DMBX1: variants seen among roughly 807,000 people sequenced by gnomAD.
DMBX1 encodes the protein diencephalon/mesencephalon homeobox protein 1.
DMBX1 carries 7 observed loss-of-function variants against 30.4 expected under a neutral mutation model. The ratio of observed to expected loss-of-function variants is 0.23; its 90% CI spans 0.13 to 0.43. The LOEUF (loss-of-function observed/expected upper bound fraction) is 0.43, where lower values mean the gene tolerates loss of function less well. Among genes scored for constraint, DMBX1 ranks in the 20% least tolerant of loss-of-function variants. DMBX1 has a pLI of 1.00. For synonymous variants in DMBX1, 222 were observed against 214.2 expected (o/e 1.04, Z -0.32); for missense variants, 460 against 508.5 (o/e 0.90, Z 0.92).
Position 46,493,963 on chromosome 1 carries a change from A to G in DMBX1, c.-13+3180A>G, listed in dbSNP as rs1665981067. The stretch of plus-strand genomic sequence containing the variant: ...CCAAAAGTGGACCAGGTCATCCCTG[A>G]CAGACTTTGGGCCAAGGCTAACTGA... On this transcript the variant is annotated intron_variant, in intron 2 of 5. Coordinates refer to ENST00000360032, the MANE Select transcript of DMBX1 (RefSeq NM_172225.2). The surrounding 1 kb of genome is among the most constrained non-coding windows in gnomAD (Gnocchi z 4.1). 6.6e-6 allele frequency among the ~76,000 whole-genome samples: 1 copy of G among 152,206 alleles called. No homozygotes were observed. Among genetic ancestry groups the G allele is most frequent in the African/African-American group, 2.4e-5 (1 of 41,462 alleles).
chr1:46,515,082 T>C lies in DMBX1; in HGVS notation c.*2588T>C, dbSNP rs2148494258. 6.6e-6 allele frequency among the ~76,000 whole-genome samples: 1 copy of C among 151,384 alleles called. No individual in the cohort carries two copies. The highest frequency in any genetic ancestry group is 3.4e-3 in the Middle Eastern group (1 of 294). On this transcript the variant is annotated 3_prime_UTR_variant, in exon 6 of 6. Coordinates refer to ENST00000360032, the MANE Select transcript of DMBX1 (RefSeq NM_172225.2). Reference sequence around the variant, plus strand: ...CAAATCCTCAGGTCTCTTGCTGGGGTCTGGAATTTGGAAGGGGAATCCACC... The same window carrying C: ...CAAATCCTCAGGTCTCTTGCTGGGGCCTGGAATTTGGAAGGGGAATCCACC...
chr1:46,490,607 G>A (rs1372308386), intron 1 of DMBX1, among the ~76,000 whole-genome samples, 37 bp from the exon 2 acceptor site: 2 of 152,230 alleles, frequency 1.3e-5, no homozygotes, highest in African/African-American at 2.4e-5. Context: ...AGTGCTCCGG[G>A]CATTGCCCGG....
chr1:46,495,296 T>G (rs1391810574), intron 2 of DMBX1, among the ~76,000 whole-genome samples: 1 of 152,220 alleles, frequency 6.6e-6, no homozygotes, highest in Admixed American at 6.5e-5. Flanking sequence ...TCCCTTGCTC[T>G]GGGCACTGGG....
intron 2 of DMBX1, among the ~76,000 whole-genome samples, chr1:46,494,601 A>G (rs1176068651): frequency 2.0e-5 from 3 of 152,146 alleles, no homozygotes; most frequent in Non-Finnish European, 1.5e-5. Flanking sequence ...GAACTCTCCC[A>G]GTGGGTTCTT....
rs1253950951 is a variant in DMBX1 at position 46,507,006 on chromosome 1, C to T, written c.-5C>T. The T allele has an allele frequency of 6.2e-7, 1 of 1,613,960 alleles. No individual in the cohort carries two copies. Among genetic ancestry groups the T allele is most frequent in the Non-Finnish European group, 8.5e-7 (1 of 1,179,902 alleles). On this transcript the variant is annotated 5_prime_UTR_variant, in exon 3 of 6. Coordinates refer to ENST00000360032, the MANE Select transcript of DMBX1 (RefSeq NM_172225.2). ...TCCCTTTTCCGTCTGTAGGCGGATGCCGCCATGCAGCACTACGGGGTGAAC... is the reference window on the plus strand; with the variant it reads ...TCCCTTTTCCGTCTGTAGGCGGATGTCGCCATGCAGCACTACGGGGTGAAC...
In DMBX1 at chr1:46,514,656, T is replaced by C. The variant is rs1170553875; in HGVS notation, c.*2162T>C. Among the ~76,000 whole-genome samples the C allele has an allele frequency of 1.3e-5, 2 of 152,112 alleles. No homozygotes were observed. Among genetic ancestry groups the C allele is most frequent in the African/African-American group, 4.8e-5 (2 of 41,426 alleles). On this transcript the variant is annotated 3_prime_UTR_variant, in exon 6 of 6. Transcript: ENST00000360032. ...GATTCTTGGTCATGCTCCCCAACTC[T>C]TGGTGGCTCACCACTGAACACTCCA... is the stretch of plus-strand genomic sequence containing the variant.
intron 2 of DMBX1, among the ~76,000 whole-genome samples, chr1:46,502,866 C>T (rs960169830): frequency 4.6e-5 from 7 of 152,078 alleles, no homozygotes; most frequent in Admixed American, 2.6e-4. Context: ...GGAGACACAG[C>T]GAGACCCTGT....
In DMBX1 at chr1:46,510,732, A is replaced by C; in HGVS notation, c.333+78A>C. The C allele has an allele frequency of 6.6e-7, 1 of 1,518,508 alleles. No individual in the cohort carries two copies. The highest frequency in any genetic ancestry group is 8.9e-7 in the Non-Finnish European group (1 of 1,128,022). 94.1% of individuals were successfully genotyped at this position (1,518,508 alleles called of 1,614,324 possible). A position where few individuals can be genotyped will look rare whatever the true frequency, so the allele number is the denominator to read the frequency against. ...TCTGCCCGCTTGTCCAGGAGCCAGC[A>C]TGTCATCCCTGTGCCAAGGTGCAAC... On this transcript the variant is annotated intron_variant, in intron 4 of 5. Coordinates refer to ENST00000360032, the MANE Select transcript of DMBX1 (RefSeq NM_172225.2). The surrounding 1 kb of genome is among the most constrained non-coding windows in gnomAD (Gnocchi z 4.1).
In DMBX1 at chr1:46,512,246, G is replaced by A; in HGVS notation, c.886G>A (p.Ala296Thr). The change falls in exon 6 of 6, where the codon GCT (alanine) becomes ACT (threonine). Residue 296 changes from alanine to threonine, a missense_variant. Around this residue, in one of 3 missense-constraint regions of DMBX1, gnomAD observed 334 missense variants for 345.1 expected, o/e 0.97. Coordinates refer to ENST00000360032, the MANE Select transcript of DMBX1 (RefSeq NM_172225.2). This position sits in a 1 kb window ranked among gnomAD's most constrained non-coding sequence, Gnocchi z 4.8. ...PAPAAAAAAA[A>T]VPYLGVNMAP... ...CCCTGCTGCTGCAGCGGCGGCTGCT[G>A]CTGTGCCCTACCTGGGCGTCAACAT... is the stretch of plus-strand genomic sequence containing the variant. 1 of 1,613,722 alleles carries A rather than the reference G, an allele frequency of 6.2e-7. No homozygotes were observed. The highest frequency in any genetic ancestry group is 1.3e-5 in the African/African-American group (1 of 75,028).
chr1:46,499,571 A>G (rs1407873670), intron 2 of DMBX1, among the ~76,000 whole-genome samples: 1 of 152,168 alleles, frequency 6.6e-6, no homozygotes, highest in African/African-American at 2.4e-5. Context: ...TGGGGATAAC[A>G]TTTTCTACCT....
chr1:46,510,415 G>A lies in DMBX1; in HGVS notation c.155-61G>A, dbSNP rs781289883. On this transcript the variant is annotated intron_variant, in intron 3 of 5. Coordinates refer to ENST00000360032, the MANE Select transcript of DMBX1 (RefSeq NM_172225.2). The surrounding 1 kb of genome is among the most constrained non-coding windows in gnomAD (Gnocchi z 4.1). ...GGGTCAGAGCAGGATAAGATTCAAA[G>A]CTATTTCCCATAATTAAATGGGCCC... 6.4e-7 allele frequency: 1 copy of A among 1,569,754 alleles called. No homozygotes were observed. Among genetic ancestry groups the A allele is most frequent in the South Asian group, 1.2e-5 (1 of 85,024 alleles).
chr1:46,511,956 C>T, intron 5 of DMBX1, 87 bp from the exon 6 acceptor site: 2 of 1,336,604 alleles, frequency 1.5e-6, no homozygotes, highest in Non-Finnish European at 2.1e-6. Context: ...TCTATAGTGC[C>T]AAGGAGGTGA....
In DMBX1 at chr1:46,510,679, G is replaced by A. The variant is rs755220024; in HGVS notation, c.333+25G>A. ...GGTAGGGCCCAACTCTCCTAACTAG[G>A]CCTTGCAGACAAACACCAGCCCATC... On this transcript the variant is annotated intron_variant, in intron 4 of 5. Transcript: ENST00000360032. This position sits in a 1 kb window ranked among gnomAD's most constrained non-coding sequence, Gnocchi z 4.1. 10 of 1,604,746 alleles carry A rather than the reference G, an allele frequency of 6.2e-6. No individual in the cohort carries two copies. In the South Asian group the frequency reaches 1.1e-4, roughly 18 times the overall value.
Position 46,516,001 on chromosome 1 carries a change from G to C in DMBX1, c.*3507G>C, listed in dbSNP as rs561418467. On this transcript the variant is annotated 3_prime_UTR_variant, in exon 6 of 6. Transcript: ENST00000360032. ...TTGTGACCATTTGTGCTTAGAGGTC[G>C]TGCCAGCCCATGGCAAAGACACTGT... Among the ~76,000 whole-genome samples the C allele has an allele frequency of 6.6e-6, 1 of 152,308 alleles. No individual in the cohort carries two copies. The highest frequency in any genetic ancestry group is 6.5e-5 in the Admixed American group (1 of 15,294).
intron 2 of DMBX1, among the ~76,000 whole-genome samples, chr1:46,492,047 A>C (rs1535739): frequency 0.74 from 111,922 of 152,150 alleles, 41,344 homozygotes; most frequent in African/African-American, 0.79. Flanking sequence ...CCCCTGCAGT[A>C]TTTGGGGGCG....
At chr1:46,511,937 C>T in intron 5 of DMBX1, 106 bp from the exon 6 acceptor site, 1 of 1,148,608 alleles carries the variant, frequency 8.7e-7, no homozygotes, top group Non-Finnish European at 1.2e-6. Flanking sequence ...TCAGCCGAAG[C>T]CTGTCTTGTC....
At chr1:46,494,694 G>A (rs1250780609) in intron 2 of DMBX1, among the ~76,000 whole-genome samples, 3 of 152,132 alleles carry the variant, frequency 2.0e-5, no homozygotes, top group Non-Finnish European at 4.4e-5. Flanking sequence ...CTGTGTGCCC[G>A]TTATGAAGTC....
intron 2 of DMBX1, among the ~76,000 whole-genome samples, chr1:46,499,296 C>T (rs1444372783): frequency 6.6e-6 from 1 of 152,186 alleles, no homozygotes; most frequent in East Asian, 1.9e-4. Flanking sequence ...TTTGGCCTCC[C>T]AAAGTGCTGG....
At position 46,512,638 on chromosome 1, in the gene DMBX1, C is replaced by A. The variant is rs1666407535; in HGVS notation, c.*144C>A. On this transcript the variant is annotated 3_prime_UTR_variant, in exon 6 of 6. Transcript: ENST00000360032. The surrounding 1 kb of genome is among the most constrained non-coding windows in gnomAD (Gnocchi z 4.8). ...CTGTTCCCTGCTCCGCTTCCCCATA[C>A]CCCAGCCCGAGGTGAAGCCCACACC... The A allele has an allele frequency of 1.1e-6, 1 of 915,946 alleles. No individual in the cohort carries two copies. The highest frequency in any genetic ancestry group is 1.6e-6 in the Non-Finnish European group (1 of 624,816). The allele number at this position is 915,946 out of a possible 1,614,324, so 56.7% of individuals were successfully genotyped here. A position where few individuals can be genotyped will look rare whatever the true frequency, so the allele number is the denominator to read the frequency against.
Sources: allele counts gnomAD v4.1 joint callset (sites outside exome capture counted in the v4.1 genomes callset), GRCh38; gene constraint gnomAD v4.1.1; regional missense constraint gnomAD v4.1.1; non-coding constraint Gnocchi (gnomAD v3.1); transcripts MANE v1.5; gene names NCBI Gene and HGNC (gene_info 2026-07-23, HGNC 2026-07-21).